Variants in ANO4 observed in about 807,000 individuals in gnomAD.
ANO4 encodes the protein anoctamin 4.
A neutral mutation model predicts 141.9 loss-of-function variants in ANO4; 69 were observed. That is an observed-to-expected ratio of 0.49 (90% CI 0.40 to 0.59). ANO4 has a LOEUF of 0.59. Ranked by LOEUF, ANO4 falls within the 20% of genes least tolerant of loss-of-function variation. The probability of loss-of-function intolerance (pLI) is 0.00; values close to 1 mark genes in which losing one functional copy is unlikely to be tolerated. For synonymous variants in ANO4, 350 were observed against 394.3 expected (o/e 0.89, Z 1.33); for missense variants, 894 against 1,162.2 (o/e 0.77, Z 3.36).
intron 24 of ANO4, 137 bp from the exon 25 acceptor site, chr12:101,116,542 C>G: frequency 7.9e-7 from 1 of 1,259,182 alleles, no homozygotes; most frequent in Non-Finnish European, 1.1e-6. Context: ...GTATCCCAAC[C>G]TGAGTCCTGG....
chr12:100,753,751 T>G (rs2032487708), intron 3 of ANO4, among the ~76,000 whole-genome samples: 1 of 152,226 alleles, frequency 6.6e-6, no homozygotes, highest in African/African-American at 2.4e-5. Flanking sequence ...GATATCTAAA[T>G]GAGAGATTTT....
In ANO4 at chr12:100,974,676, G is replaced by A. The variant is rs369832574; in HGVS notation, c.558-169G>A. ...TCATAAGATTTCATGACTCAAAAAC[G>A]CATGCCCTGTGTTCCCACTGTATTT... is the stretch of plus-strand genomic sequence containing the variant. On this transcript the variant is annotated intron_variant, in intron 6 of 27. Coordinates refer to ENST00000392977, the MANE Select transcript of ANO4 (RefSeq NM_001286615.2). 157 of 744,570 alleles carry A rather than the reference G, an allele frequency of 2.1e-4. No homozygotes were observed. In the African/African-American group the frequency reaches 2.3e-3, roughly 11 times the overall value. The allele number at this position is 744,570 out of a possible 1,614,324, so 46.1% of individuals were successfully genotyped here.
chr12:100,750,493 C>A (rs1358015550), intron 3 of ANO4, among the ~76,000 whole-genome samples: 1 of 152,040 alleles, frequency 6.6e-6, no homozygotes, highest in Admixed American at 6.6e-5. Flanking sequence ...TGCTGTCAGT[C>A]ATGGAGCTTG....
At chr12:100,718,183 G>T (rs1181730129) in intron 1 of ANO4, among the ~76,000 whole-genome samples, 1 of 152,200 alleles carries the variant, frequency 6.6e-6, no homozygotes, top group Non-Finnish European at 1.5e-5. Context: ...GGTATTGCAT[G>T]GTTCTGAAGG....
chr12:101,003,474 A>G (rs149528077), intron 8 of ANO4, among the ~76,000 whole-genome samples: 21 of 152,344 alleles, frequency 1.4e-4, no homozygotes, highest in African/African-American at 4.8e-4. Context: ...TGCTTTCTCC[A>G]GGCAGGGAGA....
At chr12:100,934,455 A>G (rs571394531) in intron 3 of ANO4, among the ~76,000 whole-genome samples, 1 of 151,980 alleles carries the variant, frequency 6.6e-6, no homozygotes, top group East Asian at 1.9e-4. Context: ...CCATTGGTCT[A>G]TATTTTGGTT....
At chr12:101,104,979 T>C (rs2050383853) in intron 22 of ANO4, among the ~76,000 whole-genome samples, 1 of 152,162 alleles carries the variant, frequency 6.6e-6, no homozygotes, top group African/African-American at 2.4e-5. Flanking sequence ...TATTCTGACT[T>C]ACTGTTGAAT....
At chr12:101,000,322 T>C (rs541122599) in intron 8 of ANO4, among the ~76,000 whole-genome samples, 1 of 152,334 alleles carries the variant, frequency 6.6e-6, no homozygotes, top group South Asian at 2.1e-4. Flanking sequence ...CATTTAACAT[T>C]TTATGTGTCA....
chr12:100,748,162 G>T (rs989295178), intron 3 of ANO4, among the ~76,000 whole-genome samples: 1 of 152,132 alleles, frequency 6.6e-6, no homozygotes, highest in African/African-American at 2.4e-5. Context: ...CTATGAATTT[G>T]CCTGGGGTAT....
intron 1 of ANO4, among the ~76,000 whole-genome samples, chr12:100,802,866 G>C (rs1209710169): frequency 6.6e-6 from 1 of 152,080 alleles, no homozygotes; most frequent in Non-Finnish European, 1.5e-5. Context: ...ATGCATTATG[G>C]TTAGGTTATT....
intron 14 of ANO4, chr12:101,068,462 T>C (rs879239037): frequency 1.1e-6 from 1 of 926,342 alleles, no homozygotes; most frequent in African/African-American, 1.6e-5. Context: ...AGCCTTTCTT[T>C]AGTGGCTTTC....
chr12:101,061,368 T>A (rs1474452023), intron 14 of ANO4, among the ~76,000 whole-genome samples: 1 of 151,896 alleles, frequency 6.6e-6, no homozygotes, highest in African/African-American at 2.4e-5. Flanking sequence ...GTCTTGGGGT[T>A]CTCTTCTCAG....
intron 14 of ANO4, among the ~76,000 whole-genome samples, chr12:101,055,215 G>C (rs983486002): frequency 6.6e-6 from 1 of 152,166 alleles, no homozygotes; most frequent in Non-Finnish European, 1.5e-5. Context: ...TGGCATTGCT[G>C]GATCATGTGA....
At chr12:100,972,493 A>G (rs2043974392) in intron 6 of ANO4, among the ~76,000 whole-genome samples, 1 of 152,184 alleles carries the variant, frequency 6.6e-6, no homozygotes, top group African/African-American at 2.4e-5. Context: ...CTCAAAATGG[A>G]TAATAAATAT....
At chr12:100,865,204 C>T (rs974776650) in intron 1 of ANO4, among the ~76,000 whole-genome samples, 1 of 152,152 alleles carries the variant, frequency 6.6e-6, no homozygotes, top group Non-Finnish European at 1.5e-5. Context: ...GAGGAATCGC[C>T]ACACTGTCTT....
chr12:100,835,470 T>A (rs2036863203), intron 1 of ANO4, among the ~76,000 whole-genome samples: 2 of 152,118 alleles, frequency 1.3e-5, no homozygotes, highest in African/African-American at 4.8e-5. Flanking sequence ...CTCGGTACTT[T>A]TTCTGTCCTT....
intron 8 of ANO4, among the ~76,000 whole-genome samples, chr12:100,994,394 G>C (rs1566102775): frequency 6.6e-6 from 1 of 152,128 alleles, no homozygotes; most frequent in Non-Finnish European, 1.5e-5. Context: ...TGACACCCTT[G>C]AGGCAATTAC....
intron 2 of ANO4, among the ~76,000 whole-genome samples, chr12:100,920,692 GAATGTTA>G (rs2041590107): frequency 6.6e-6 from 1 of 152,156 alleles, no homozygotes; most frequent in African/African-American, 2.4e-5. Flanking sequence ...GCTGTGGCTG[GAATGTTA>G]AATAGCAGTT....
chr12:101,079,050 G>A, intron 14 of ANO4, 143 bp from the exon 15 acceptor site: 5 of 708,136 alleles, frequency 7.1e-6, no homozygotes, highest in Non-Finnish European at 1.2e-5. Context: ...GTGAAATGAA[G>A]CTCAGCTGGA....
Sources: gnomAD v4.1 joint callset for allele counts (sites outside exome capture counted in the v4.1 genomes callset) on GRCh38, gnomAD v4.1.1 for gene constraint, MANE v1.5 for transcripts, NCBI Gene and HGNC (gene_info 2026-07-23, HGNC 2026-07-21) for gene names.